Variants in ITGA9 observed in about 807,000 individuals in gnomAD.
The protein encoded by ITGA9 is integrin subunit alpha 9.
Under a neutral mutation model 127.8 loss-of-function variants are expected in ITGA9, and 56 were observed. The ratio of observed to expected loss-of-function variants is 0.44; its 90% CI spans 0.35 to 0.55. ITGA9 has a LOEUF of 0.55. ITGA9 is among the 20% of genes least tolerant of loss of function. The pLI, the probability that ITGA9 is intolerant of heterozygous loss-of-function variation, is 0.00. For synonymous variants in ITGA9, 508 were observed against 514.5 expected (o/e 0.99, Z 0.17); for missense variants, 1,196 against 1,347.1 (o/e 0.89, Z 1.76).
At chr3:37,518,581 C>T (rs1699010871) in intron 10 of ITGA9, among the ~76,000 whole-genome samples, 1 of 152,062 alleles carries the variant, frequency 6.6e-6, no homozygotes, top group Admixed American at 6.5e-5. Context: ...GGTCCTTTAT[C>T]CAGGACCTCA....
intron 16 of ITGA9, among the ~76,000 whole-genome samples, chr3:37,641,738 G>A (rs554119170): frequency 1.6e-4 from 24 of 152,184 alleles, no homozygotes; most frequent in South Asian, 6.2e-4. Context: ...CCTCGCCAGC[G>A]CCACCCGCAT....
At chr3:37,599,307 G>A (rs546606104) in intron 15 of ITGA9, among the ~76,000 whole-genome samples, 1 of 152,314 alleles carries the variant, frequency 6.6e-6, no homozygotes, top group African/African-American at 2.4e-5. Flanking sequence ...ATGTGTTAGG[G>A]TTCAGCTTGC....
intron 18 of ITGA9, among the ~76,000 whole-genome samples, chr3:37,724,858 G>GT (rs1468543509): frequency 2.6e-5 from 4 of 152,264 alleles, no homozygotes; most frequent in African/African-American, 7.2e-5. Context: ...TCTTGTAGGT[G>GT]TTTGTTAGAT....
chr3:37,729,866 G>A (rs1261755140), intron 18 of ITGA9, among the ~76,000 whole-genome samples: 3 of 151,982 alleles, frequency 2.0e-5, no homozygotes, highest in African/African-American at 4.8e-5. Flanking sequence ...ACCACACCCA[G>A]CTAATTTTTA....
intron 23 of ITGA9, among the ~76,000 whole-genome samples, chr3:37,756,159 C>CAAA (rs35974802): frequency 0.31 from 43,288 of 141,906 alleles, 6,488 homozygotes; most frequent in Middle Eastern, 0.44. Flanking sequence ...GTAAGGCATT[C>CAAA]AAAAAAAAAA....
intron 5 of ITGA9, among the ~76,000 whole-genome samples, chr3:37,500,349 T>G (rs950664727): frequency 6.6e-6 from 1 of 152,188 alleles, no homozygotes; most frequent in South Asian, 2.1e-4. Context: ...ATCAACAGCT[T>G]CCTTCAAGGG....
At chr3:37,510,303 C>G (rs2125574376) in intron 8 of ITGA9, among the ~76,000 whole-genome samples, 1 of 152,214 alleles carries the variant, frequency 6.6e-6, no homozygotes, top group East Asian at 1.9e-4. Context: ...CGCACCTGGC[C>G]AAGGATTATT....
rs1285735660 is a variant in ITGA9 at position 37,523,531 on chromosome 3, G to A, written c.1247G>A (p.Gly416Glu). 5.0e-6 allele frequency: 8 copies of A among 1,613,574 alleles called. No homozygotes were observed. Among genetic ancestry groups the A allele is most frequent in the Non-Finnish European group, 5.9e-6 (7 of 1,179,738 alleles). The change falls in exon 12 of 28, where the codon GGG becomes GAG. Residue 416 changes from glycine to glutamate, a missense_variant. Transcript: ENST00000264741. ...IVPQYSMKLS[G>E]QKINPVLRMF... ...TATTATCTGTTTCAGAAACTGTCTGGGCAGAAGATAAATCCAGTGCTCCGG... is the reference window on the plus strand; with the variant it reads ...TATTATCTGTTTCAGAAACTGTCTGAGCAGAAGATAAATCCAGTGCTCCGG...
At chr3:37,816,149 G>A (rs973358636) in intron 27 of ITGA9, among the ~76,000 whole-genome samples, 1 of 152,200 alleles carries the variant, frequency 6.6e-6, no homozygotes, top group Non-Finnish European at 1.5e-5. Flanking sequence ...GGTAAAGGGT[G>A]TGGAGGGTAT....
At chr3:37,617,354 C>G (rs1008322198) in intron 15 of ITGA9, among the ~76,000 whole-genome samples, 1 of 152,222 alleles carries the variant, frequency 6.6e-6, no homozygotes, top group African/African-American at 2.4e-5. Context: ...ATGGGCTTCC[C>G]TTTGTGGGTA....
chr3:37,706,420 A>T (rs1279464646), intron 18 of ITGA9, among the ~76,000 whole-genome samples: 1 of 152,216 alleles, frequency 6.6e-6, no homozygotes, highest in East Asian at 1.9e-4. Context: ...CCATAGATGC[A>T]TAGGTGCAGG....
chr3:37,753,612 G>A (rs886661780), intron 23 of ITGA9: 2 of 152,204 alleles, frequency 1.3e-5, no homozygotes, highest in Admixed American at 6.5e-5. Flanking sequence ...TAAGTGTTCC[G>A]TATGCCTTCT....
At chr3:37,689,953 A>T (rs1700815651) in intron 18 of ITGA9, among the ~76,000 whole-genome samples, 1 of 152,206 alleles carries the variant, frequency 6.6e-6, no homozygotes, top group Non-Finnish European at 1.5e-5. Flanking sequence ...TTGGGGCCAA[A>T]GGCATGTCAG....
intron 15 of ITGA9, among the ~76,000 whole-genome samples, chr3:37,588,375 G>C (rs1174603764): frequency 7.5e-6 from 1 of 133,802 alleles, no homozygotes; most frequent in Non-Finnish European, 1.5e-5. Flanking sequence ...TGGGCCTTCT[G>C]TGCATGCGTG....
chr3:37,586,770 G>A (rs1699763586), intron 15 of ITGA9, among the ~76,000 whole-genome samples: 1 of 152,206 alleles, frequency 6.6e-6, no homozygotes, highest in African/African-American at 2.4e-5. Context: ...GTTATTGCCT[G>A]TGAGGCTCAC....
chr3:37,651,964 T>G (rs1266173292), intron 16 of ITGA9, among the ~76,000 whole-genome samples: 1 of 152,084 alleles, frequency 6.6e-6, no homozygotes, highest in East Asian at 1.9e-4. Flanking sequence ...CACCTCCATC[T>G]CCACCTCCAC....
chr3:37,495,200 G>C (rs1427997296), intron 5 of ITGA9, among the ~76,000 whole-genome samples: 1 of 152,144 alleles, frequency 6.6e-6, no homozygotes, highest in Non-Finnish European at 1.5e-5. Context: ...TGATCTGCCA[G>C]TCTCGGCTTC....
chr3:37,537,740 C>T (rs1470570547), intron 14 of ITGA9, among the ~76,000 whole-genome samples: 3 of 152,196 alleles, frequency 2.0e-5, no homozygotes, highest in East Asian at 1.9e-4. Context: ...GCTCCGGGCC[C>T]CTTGTGTGGC....
At chr3:37,588,421 C>A (rs1021978443) in intron 15 of ITGA9, among the ~76,000 whole-genome samples, 1 of 152,122 alleles carries the variant, frequency 6.6e-6, no homozygotes, top group African/African-American at 2.4e-5. Context: ...CACCCCCTCC[C>A]CACAGAGGCT....
Sources: allele counts gnomAD v4.1 joint callset (sites outside exome capture counted in the v4.1 genomes callset), GRCh38; gene constraint gnomAD v4.1.1; transcripts MANE v1.5; gene names NCBI Gene and HGNC (gene_info 2026-07-23, HGNC 2026-07-21).